LRRC7: variants seen among roughly 807,000 people sequenced by gnomAD.
The protein encoded by LRRC7 is leucine rich repeat containing 7.
In LRRC7, 23 loss-of-function variants were observed where a neutral mutation model predicts 175.7. That is an observed-to-expected ratio of 0.13 (90% CI 0.09 to 0.19). The LOEUF (loss-of-function observed/expected upper bound fraction) is 0.19. LRRC7 is among the 10% of genes least tolerant of loss of function. The pLI is 1.00. For missense variants in LRRC7, 1,354 were observed against 1,904.7 expected (o/e 0.71, Z 5.38); for synonymous variants, 685 against 680.9 (o/e 1.01, Z -0.09).
In LRRC7 at chr1:70,125,502, AAG is replaced by A. The variant is rs1666402830; in HGVS notation, c.*3622_*3623del. On this transcript the variant is annotated 3_prime_UTR_variant, in exon 27 of 27. Coordinates refer to ENST00000651989, the MANE Select transcript of LRRC7 (RefSeq NM_001370785.2). ...GACATATCTTTCAACTGGTGAGCTA[AAG>A]AGAGAGGGCCGGGCGCGGTGGCTCA... is the stretch of plus-strand genomic sequence containing the variant. 6.6e-6 allele frequency among the ~76,000 whole-genome samples: 1 copy of A among 152,306 alleles called. No homozygotes were observed. The highest frequency in any genetic ancestry group is 2.4e-5 in the African/African-American group (1 of 41,546).
At chr1:69,817,105 A>G (rs1570110514) in intron 4 of LRRC7, among the ~76,000 whole-genome samples, 1 of 152,042 alleles carries the variant, frequency 6.6e-6, no homozygotes, top group Non-Finnish European at 1.5e-5. Context: ...TTTATTTTGT[A>G]TAGTCCTACT....
At chr1:69,695,314 A>G (rs1662429975) in intron 2 of LRRC7, among the ~76,000 whole-genome samples, 1 of 152,228 alleles carries the variant, frequency 6.6e-6, no homozygotes, top group South Asian at 2.1e-4. Context: ...GAAGAAATCT[A>G]TAAGCAGAAA....
intron 1 of LRRC7, among the ~76,000 whole-genome samples, chr1:69,652,634 A>C (rs896178777): frequency 6.6e-6 from 1 of 152,048 alleles, no homozygotes; most frequent in Admixed American, 6.6e-5. Flanking sequence ...CAATTCTATA[A>C]TTTGGAAAAA....
intron 24 of LRRC7, among the ~76,000 whole-genome samples, chr1:70,081,291 C>G (rs1663193734): frequency 6.6e-6 from 1 of 152,184 alleles, no homozygotes; most frequent in Non-Finnish European, 1.5e-5. Context: ...AAGAAACTAA[C>G]ATCAGCTTTG....
At chr1:69,781,697 A>G (rs1476152963) in intron 3 of LRRC7, among the ~76,000 whole-genome samples, 2 of 22,422 alleles carry the variant, frequency 8.9e-5, no homozygotes, top group African/African-American at 3.0e-4. Flanking sequence ...AGAAGAAAGA[A>G]AGAAAGAAAG....
At chr1:70,019,488 A>G (rs916644202) in intron 15 of LRRC7, among the ~76,000 whole-genome samples, 2 of 152,058 alleles carry the variant, frequency 1.3e-5, no homozygotes, top group African/African-American at 2.4e-5. Flanking sequence ...AACATTTTCT[A>G]TAGTTATGGA....
chr1:69,905,672 G>A (rs1204961202), intron 7 of LRRC7, among the ~76,000 whole-genome samples: 1 of 152,276 alleles, frequency 6.6e-6, no homozygotes, highest in African/African-American at 2.4e-5. Context: ...GGACATTTGG[G>A]TTGGTTCCAA....
intron 4 of LRRC7, among the ~76,000 whole-genome samples, chr1:69,813,952 TA>T (rs1243191269): frequency 6.6e-6 from 1 of 152,138 alleles, no homozygotes; most frequent in African/African-American, 2.4e-5. Flanking sequence ...TGAATAAATG[TA>T]AAAATCAAAA....
intron 4 of LRRC7, among the ~76,000 whole-genome samples, chr1:69,819,966 T>A (rs541639113): frequency 1.3e-5 from 2 of 152,222 alleles, no homozygotes; most frequent in Admixed American, 6.5e-5. Flanking sequence ...TTGGGTCATG[T>A]TTTTTTCACC....
chr1:69,787,353 T>G (rs1674565600), intron 3 of LRRC7, among the ~76,000 whole-genome samples: 1 of 152,118 alleles, frequency 6.6e-6, no homozygotes, highest in South Asian at 2.1e-4. Context: ...GGTGGCCCTC[T>G]TCTCACAGCT....
chr1:69,957,551 G>T (rs967222838), intron 8 of LRRC7, among the ~76,000 whole-genome samples: 16 of 151,724 alleles, frequency 1.1e-4, no homozygotes, highest in African/African-American at 3.9e-4. Context: ...TAGTTTAGTA[G>T]AGAGTGAATG....
intron 24 of LRRC7, among the ~76,000 whole-genome samples, chr1:70,078,810 G>GCGCACA (rs1553200896): frequency 1.1e-3 from 160 of 141,286 alleles, no homozygotes; most frequent in Admixed American, 2.2e-3. Context: ...GCGCGCGCGC[G>GCGCACA]CACACACACA....
intron 3 of LRRC7, among the ~76,000 whole-genome samples, chr1:69,774,496 GTA>G (rs1307821922): frequency 6.6e-6 from 1 of 152,130 alleles, no homozygotes; most frequent in African/African-American, 2.4e-5. Flanking sequence ...AAACTGTACT[GTA>G]TATGAAATTG....
chr1:69,777,353 G>A (rs762944651), intron 3 of LRRC7, among the ~76,000 whole-genome samples: 3 of 152,152 alleles, frequency 2.0e-5, no homozygotes, highest in South Asian at 2.1e-4. Flanking sequence ...TAATCCATTC[G>A]ACCAGGCAAT....
intron 2 of LRRC7, among the ~76,000 whole-genome samples, chr1:69,694,738 A>AC (rs35720592): frequency 0.07 from 10,352 of 147,060 alleles, 419 homozygotes; most frequent in East Asian, 0.13. Flanking sequence ...TGGTACCCCT[A>AC]CCCCCCCCCA....
chr1:69,759,613 A>G (rs116354723), intron 2 of LRRC7, among the ~76,000 whole-genome samples: 2 of 152,036 alleles, frequency 1.3e-5, no homozygotes, highest in Admixed American at 1.3e-4. Flanking sequence ...TAAAAACTCC[A>G]TGAAAACAGG....
At chr1:69,634,287 G>A (rs1652979058) in intron 1 of LRRC7, among the ~76,000 whole-genome samples, 2 of 152,086 alleles carry the variant, frequency 1.3e-5, no homozygotes, top group African/African-American at 4.8e-5. Flanking sequence ...TTCCTAAGTA[G>A]TCTGGCTCTA....
chr1:70,058,781 T>C (rs960665982), intron 23 of LRRC7, among the ~76,000 whole-genome samples: 8 of 152,224 alleles, frequency 5.3e-5, no homozygotes, highest in African/African-American at 1.4e-4. Flanking sequence ...GAAAATAATA[T>C]GAAGGTGATA....
intron 1 of LRRC7, among the ~76,000 whole-genome samples, chr1:69,623,704 G>C (rs538537287): frequency 4.2e-4 from 64 of 152,018 alleles, no homozygotes; most frequent in African/African-American, 1.4e-3. Flanking sequence ...GCATGCACCA[G>C]CACGCCCGGC....
Sources: allele counts gnomAD v4.1 joint callset (sites outside exome capture counted in the v4.1 genomes callset), GRCh38; gene constraint gnomAD v4.1.1; transcripts MANE v1.5; gene names NCBI Gene and HGNC (gene_info 2026-07-23, HGNC 2026-07-21).